SDK2: variants seen among roughly 807,000 people sequenced by gnomAD.
SDK2 encodes protein sidekick-2.
SDK2 carries 105 observed loss-of-function variants against 253.9 expected under a neutral mutation model. The observed-to-expected ratio is 0.41, with a 90% CI of 0.35 to 0.49. The LOEUF is 0.49. Ranked by LOEUF, SDK2 falls within the 20% of genes least tolerant of loss-of-function variation. The pLI is 0.06. For synonymous variants in SDK2, 1,249 were observed against 1,234.9 expected (o/e 1.01, Z -0.24); for missense variants, 2,608 against 3,003.0 (o/e 0.87, Z 3.07).
chr17:73,625,338 C>T (rs957134232), intron 1 of SDK2, among the ~76,000 whole-genome samples: 2 of 152,222 alleles, frequency 1.3e-5, no homozygotes, highest in Non-Finnish European at 2.9e-5. Flanking sequence ...TCACCCTTGT[C>T]GTATTCCTGG....
In SDK2 at chr17:73,387,663, G is replaced by C. The variant is rs571695111; in HGVS notation, c.4394+173C>G. Reference sequence around the variant, plus strand: ...ACAGAGTGAGGAAGAGCAGGATAGAGCTGATTTGCGAGGGTGAGAGTGGAC... The same window carrying C: ...ACAGAGTGAGGAAGAGCAGGATAGACCTGATTTGCGAGGGTGAGAGTGGAC... On this transcript the variant is annotated intron_variant, in intron 30 of 44. Transcript: ENST00000392650. Among the ~76,000 whole-genome samples the C allele has an allele frequency of 2.6e-5, 4 of 152,356 alleles. No individual in the cohort carries two copies. In the East Asian group the frequency reaches 7.7e-4, roughly 29 times the overall value.
At chr17:73,437,858 C>T in intron 7 of SDK2, 36 bp from the exon 8 acceptor site, 1 of 1,610,508 alleles carries the variant, frequency 6.2e-7, no homozygotes, top group South Asian at 1.1e-5. Flanking sequence ...GGGTCAGAGC[C>T]ATGCTCGCTT....
At chr17:73,504,631 CAA>C (rs146981971) in intron 2 of SDK2, among the ~76,000 whole-genome samples, 1,949 of 46,710 alleles carry the variant, frequency 0.042, 5 homozygotes, top group East Asian at 0.13. Flanking sequence ...GACTCTGTCT[CAA>C]AAAAAAAAAA....
intron 29 of SDK2, among the ~76,000 whole-genome samples, chr17:73,389,544 G>A (rs76106669): frequency 0.032 from 4,887 of 152,130 alleles, 254 homozygotes; most frequent in African/African-American, 0.11. Context: ...CAGGTTGAGA[G>A]TAGTTTCTAA....
intron 1 of SDK2, among the ~76,000 whole-genome samples, chr17:73,590,297 C>G (rs186487750): frequency 1.1e-4 from 17 of 152,322 alleles, no homozygotes; most frequent in Admixed American, 1.3e-4. Context: ...GTACCAGGAA[C>G]ACATGAGACT....
intron 18 of SDK2, among the ~76,000 whole-genome samples, chr17:73,413,490 T>G (rs918173763): frequency 6.6e-6 from 1 of 152,110 alleles, no homozygotes; most frequent in Non-Finnish European, 1.5e-5. Flanking sequence ...ATGGAAAAAT[T>G]GTCTTCCATG....
At chr17:73,387,426 A>T (rs1300967765) in intron 30 of SDK2, among the ~76,000 whole-genome samples, 15 of 152,210 alleles carry the variant, frequency 9.9e-5, no homozygotes, top group Admixed American at 9.8e-4. Context: ...TCCCGGTCAC[A>T]TCAACTGGAA....
intron 25 of SDK2, among the ~76,000 whole-genome samples, 167 bp from the exon 26 acceptor site, chr17:73,394,491 G>C (rs964144403): frequency 1.3e-4 from 20 of 152,238 alleles, no homozygotes; most frequent in Admixed American, 1.1e-3. Flanking sequence ...CCACTAAGAT[G>C]GCCTTTGGTT....
intron 2 of SDK2, among the ~76,000 whole-genome samples, chr17:73,493,236 G>A (rs1004708061): frequency 1.4e-4 from 21 of 151,634 alleles, no homozygotes; most frequent in African/African-American, 4.6e-4. Context: ...GGTGATGAAT[G>A]ATGAAACCCT....
intron 2 of SDK2, among the ~76,000 whole-genome samples, chr17:73,484,531 A>T (rs975206251): frequency 2.0e-5 from 3 of 152,212 alleles, no homozygotes; most frequent in African/African-American, 7.2e-5. Flanking sequence ...TGAGGGAAGC[A>T]GGACACTGGG....
chr17:73,587,132 G>C (rs1245699656), intron 1 of SDK2, among the ~76,000 whole-genome samples: 1 of 152,180 alleles, frequency 6.6e-6, no homozygotes, highest in African/African-American at 2.4e-5. Context: ...CTACAAATCG[G>C]CAGTCTGGGC....
At position 73,593,358 on chromosome 17, in the gene SDK2, C is replaced by G. The variant is rs1274400409; in HGVS notation, c.64+50667G>C. Among the ~76,000 whole-genome samples the G allele has an allele frequency of 2.0e-5, 3 of 152,308 alleles. No homozygotes were observed. The East Asian group carries it at 5.8e-4, about 29-fold the overall frequency. ...GAGAATGAAGGAGCCTCAGCACCCA[C>G]TCCCTATCCTGGCCACAAGAGCATC... On this transcript the variant is annotated intron_variant, in intron 1 of 44. Coordinates refer to ENST00000392650, the MANE Select transcript of SDK2 (RefSeq NM_001144952.2).
intron 1 of SDK2, among the ~76,000 whole-genome samples, chr17:73,545,306 T>G (rs1039212228): frequency 1.3e-5 from 2 of 152,182 alleles, no homozygotes; most frequent in Non-Finnish European, 2.9e-5. Flanking sequence ...GCCCTGCTTC[T>G]GACCCACCCC....
At chr17:73,412,790 T>A (rs1379803300) in intron 18 of SDK2, among the ~76,000 whole-genome samples, 1 of 152,148 alleles carries the variant, frequency 6.6e-6, no homozygotes, top group Non-Finnish European at 1.5e-5. Context: ...TGGTGGCACA[T>A]GCCTACAGTC....
At position 73,398,419 on chromosome 17, in the gene SDK2, A is replaced by G. The variant is rs2062990815; in HGVS notation, c.3104T>C (p.Val1035Ala). 1 of 1,613,672 alleles carries G rather than the reference A, an allele frequency of 6.2e-7. No homozygotes were observed. The highest frequency in any genetic ancestry group is 8.5e-7 in the Non-Finnish European group (1 of 1,179,674). The part of the protein sequence containing the change: ...RWLVEAQVGV[V>A]GEGEEWLLIH... ...CAGCAACCACTCCTCTCCCTCCCCA[A>G]CCACGCCTACCTGGAAAAGGGCAGG... Residue 1035 changes from valine to alanine, a missense_variant, in exon 23 of 45, where the codon GTT becomes GCT. Coordinates refer to ENST00000392650, the MANE Select transcript of SDK2 (RefSeq NM_001144952.2).
chr17:73,419,398 T>C lies in SDK2; in HGVS notation c.2046-92A>G, dbSNP rs2063209733. 6 of 1,399,628 alleles carry C rather than the reference T, an allele frequency of 4.3e-6. No individual in the cohort carries two copies. The Admixed American group carries it at 1.2e-4, about 28-fold the overall frequency. 86.7% of individuals were successfully genotyped at this position (1,399,628 alleles called of 1,614,324 possible). A position where few individuals can be genotyped will look rare whatever the true frequency, so the allele number is the denominator to read the frequency against. On this transcript the variant is annotated intron_variant, in intron 15 of 44. Coordinates refer to ENST00000392650, the MANE Select transcript of SDK2 (RefSeq NM_001144952.2). ...AGGCTGAACCCTGGCCTGCTCTGAC[T>C]CTGGATAATTCGGTACAACTGCTGT...
intron 4 of SDK2, among the ~76,000 whole-genome samples, chr17:73,449,695 T>C (rs1303908667): frequency 1.4e-5 from 2 of 140,654 alleles, no homozygotes; most frequent in African/African-American, 2.7e-5. Context: ...CTGAAGTAGG[T>C]GGATCACCTG....
intron 44 of SDK2, among the ~76,000 whole-genome samples, chr17:73,342,089 A>G (rs776230386): frequency 1.1e-4 from 17 of 148,982 alleles, no homozygotes; most frequent in East Asian, 5.9e-4. Flanking sequence ...CTCCCCCCAA[A>G]CCCCCCACCC....
intron 3 of SDK2, among the ~76,000 whole-genome samples, chr17:73,460,110 A>T (rs2063553790): frequency 6.6e-6 from 1 of 152,146 alleles, no homozygotes; most frequent in South Asian, 2.1e-4. Context: ...GCAGGAAGTG[A>T]TGCCATGTGA....
Sources: gnomAD v4.1 joint callset for allele counts (sites outside exome capture counted in the v4.1 genomes callset) on GRCh38, gnomAD v4.1.1 for gene constraint, MANE v1.5 for transcripts, NCBI Gene and HGNC (gene_info 2026-07-23, HGNC 2026-07-21) for gene names.